Variants in ABLIM1 observed in about 807,000 individuals in gnomAD.
ABLIM1 encodes the protein actin binding LIM protein 1.
A neutral mutation model predicts 107.0 loss-of-function variants in ABLIM1; 40 were observed. The ratio of observed to expected loss-of-function variants is 0.37; its 90% CI spans 0.29 to 0.49. The LOEUF is 0.49. Ranked by LOEUF, ABLIM1 falls within the 20% of genes least tolerant of loss-of-function variation. ABLIM1 has a pLI of 0.97. For synonymous variants in ABLIM1, 357 were observed against 357.3 expected (o/e 1.00, Z 0.01); for missense variants, 857 against 1,008.5 (o/e 0.85, Z 2.04).
chr10:114,679,794 A>G (rs2080665031), intron 1 of ABLIM1, among the ~76,000 whole-genome samples: 1 of 152,076 alleles, frequency 6.6e-6, no homozygotes, highest in Non-Finnish European at 1.5e-5. Context: ...GGCCAGAAAA[A>G]CTCTATACTC....
chr10:114,720,532 T>A (rs116657929), intron 1 of ABLIM1, among the ~76,000 whole-genome samples: 46 of 152,270 alleles, frequency 3.0e-4, no homozygotes, highest in African/African-American at 1.1e-3. Context: ...CTCGCCAGCA[T>A]CTGTTGGAGA....
chr10:114,557,258 T>C (rs770449512), intron 4 of ABLIM1, among the ~76,000 whole-genome samples: 33 of 152,182 alleles, frequency 2.2e-4, no homozygotes, highest in Non-Finnish European at 4.3e-4. Flanking sequence ...CTTGCTGTCT[T>C]AATGGCCATG....
intron 13 of ABLIM1, among the ~76,000 whole-genome samples, chr10:114,453,086 G>T (rs1041548437): frequency 6.6e-6 from 1 of 152,172 alleles, no homozygotes; most frequent in Non-Finnish European, 1.5e-5. Flanking sequence ...AGAAGGCAAT[G>T]ATAAAAAGGT....
chr10:114,552,317 G>GAGA (rs2068160358), intron 4 of ABLIM1, among the ~76,000 whole-genome samples: 1 of 152,146 alleles, frequency 6.6e-6, no homozygotes, highest in African/African-American at 2.4e-5. Context: ...TTCAGCTGTT[G>GAGA]AGAAAATTGT....
chr10:114,763,134 A>C (rs575004824), intron 1 of ABLIM1, among the ~76,000 whole-genome samples: 2 of 152,288 alleles, frequency 1.3e-5, no homozygotes, highest in East Asian at 3.9e-4. Flanking sequence ...TGTTTTCTGC[A>C]TGTGTCTTGC....
chr10:114,439,783 T>A (rs189267668), intron 20 of ABLIM1: 2 of 472,534 alleles, frequency 4.2e-6, no homozygotes, highest in Non-Finnish European at 7.5e-6. Flanking sequence ...AGAAAAACTG[T>A]ATATGAGCAG....
intron 6 of ABLIM1, among the ~76,000 whole-genome samples, chr10:114,506,060 C>G (rs186957606): frequency 6.6e-6 from 1 of 152,310 alleles, no homozygotes. Flanking sequence ...CTGTTCCCAC[C>G]TTTGTGTCCA....
chr10:114,725,092 G>A (rs751416595), intron 1 of ABLIM1, among the ~76,000 whole-genome samples: 3 of 151,940 alleles, frequency 2.0e-5, no homozygotes, highest in African/African-American at 7.3e-5. Flanking sequence ...AACAAGCATC[G>A]GGCCCTCACT....
intron 2 of ABLIM1, among the ~76,000 whole-genome samples, chr10:114,581,808 TGATGAGG>T (rs2073414448): frequency 6.6e-6 from 1 of 152,060 alleles, no homozygotes; most frequent in Admixed American, 6.6e-5. Context: ...TCATTTCCAG[TGATGAGG>T]GCCATGTGCT....
At chr10:114,743,119 TAAG>T (rs2082319275) in intron 1 of ABLIM1, among the ~76,000 whole-genome samples, 1 of 152,182 alleles carries the variant, frequency 6.6e-6, no homozygotes. Flanking sequence ...TTTGAGGGTA[TAAG>T]TAGTAGCATT....
chr10:114,512,114 T>G (rs2061958516), intron 6 of ABLIM1, among the ~76,000 whole-genome samples: 1 of 152,204 alleles, frequency 6.6e-6, no homozygotes, highest in Non-Finnish European at 1.5e-5. Flanking sequence ...ACAAGATGAC[T>G]CAGGTGAACT....
rs193157568 is a variant in ABLIM1, at chr10:114,510,472, C to T, written c.895-18594G>A. 1.8e-3 allele frequency among the ~76,000 whole-genome samples: 278 copies of T among 152,066 alleles called. 6 individuals are homozygous for T. Among genetic ancestry groups the T allele is most frequent in the African/African-American group, 6.5e-3 (267 of 41,382 alleles). On this transcript the variant is annotated intron_variant, in intron 6 of 22. Transcript: ENST00000533213. ...ACCTAGCAGATTTTTCCCCACTAGA[C>T]TTTAATTTCTTGGGAACAAGGACAT...
At chr10:114,586,432 A>G (rs1181655689) in intron 2 of ABLIM1, among the ~76,000 whole-genome samples, 1 of 152,234 alleles carries the variant, frequency 6.6e-6, no homozygotes, top group East Asian at 1.9e-4. Context: ...GGAATAATTA[A>G]AGGGTTGGGA....
intron 15 of ABLIM1, among the ~76,000 whole-genome samples, chr10:114,446,577 T>C (rs1589748067): frequency 6.6e-6 from 1 of 152,364 alleles, no homozygotes. Flanking sequence ...GTCTTAGTTT[T>C]CAGCATTTTG....
chr10:114,797,917 T>C, the ABLIM1 span, among the ~76,000 whole-genome samples: 1 of 152,210 alleles, frequency 6.6e-6, no homozygotes, highest in African/African-American at 2.4e-5. Flanking sequence ...TAACACATTT[T>C]TGTCCATATA....
intron 1 of ABLIM1, among the ~76,000 whole-genome samples, chr10:114,669,501 G>T (rs2080163636): frequency 6.6e-6 from 1 of 152,176 alleles, no homozygotes. Flanking sequence ...GATTATAAAT[G>T]TGCAATCATC....
chr10:114,773,621 C>G, the ABLIM1 span, among the ~76,000 whole-genome samples: 1 of 152,098 alleles, frequency 6.6e-6, no homozygotes, highest in Admixed American at 6.6e-5. Flanking sequence ...ACTCAGGAGG[C>G]TGAGGCAGGA....
chr10:114,512,192 A>G (rs2061974409), intron 6 of ABLIM1, among the ~76,000 whole-genome samples: 2 of 152,168 alleles, frequency 1.3e-5, no homozygotes, highest in Non-Finnish European at 2.9e-5. Context: ...AAACAAAAGG[A>G]TGTTTTTTTC....
chr10:114,547,345 A>G lies in ABLIM1; in HGVS notation c.800+305T>C. On this transcript the variant is annotated intron_variant, in intron 5 of 22. Coordinates refer to ENST00000533213, the MANE Select transcript of ABLIM1 (RefSeq NM_002313.7). ...GAGAACAAAGGCTTACTAGTTCCTC[A>G]TAGGAGAATGAACAGCAACAGGGAA... 1.4e-5 allele frequency: 4 copies of G among 292,086 alleles called. No homozygotes were observed. The South Asian group carries it at 1.9e-4, about 14-fold the overall frequency. The allele number at this position is 292,086 out of a possible 1,614,324, so 18.1% of individuals were successfully genotyped here.
Sources: allele counts gnomAD v4.1 joint callset (sites outside exome capture counted in the v4.1 genomes callset), GRCh38; gene constraint gnomAD v4.1.1; transcripts MANE v1.5; gene names NCBI Gene and HGNC (gene_info 2026-07-23, HGNC 2026-07-21).